The following GABRP variants were observed in gnomAD, a reference collection of about 807,000 sequenced individuals.
GABRP encodes the protein gamma-aminobutyric acid type A receptor subunit pi, also known as gamma-aminobutyric acid receptor subunit pi.
A neutral mutation model predicts 47.8 loss-of-function variants in GABRP; 52 were observed. The ratio of observed to expected loss-of-function variants is 1.09; its 90% confidence interval spans 0.87 to 1.37. GABRP has a LOEUF of 1.37. GABRP is among the 40% of genes most tolerant of loss of function. GABRP has a pLI of 0.00. For synonymous variants in GABRP, 221 were observed against 205.8 expected (o/e 1.07, Z -0.63); for missense variants, 525 against 542.8 (o/e 0.97, Z 0.33).
At chr5:170,802,947 A>T (rs1765634528) in intron 6 of GABRP, among the ~76,000 whole-genome samples, 1 of 152,236 alleles carries the variant, frequency 6.6e-6, no homozygotes, top group South Asian at 2.1e-4. Context: ...AAAAGAACTG[A>T]TACCATCCCA....
At chr5:170,808,506 A>T (rs1765793148) in intron 7 of GABRP, 94 bp from the exon 8 acceptor site, 2 of 1,033,626 alleles carry the variant, frequency 1.9e-6, no homozygotes, top group African/African-American at 3.2e-5. Flanking sequence ...GATCAATGAC[A>T]GAGGGCTTAA....
chr5:170,798,998 T>C (rs1765515116), intron 6 of GABRP, among the ~76,000 whole-genome samples: 2 of 149,186 alleles, frequency 1.3e-5, no homozygotes, highest in Admixed American at 6.7e-5. Flanking sequence ...TTCTCACTGT[T>C]CAATTCCCAC....
rs534175307 is a variant in GABRP at position 170,796,327 on chromosome 5, G to A, written c.458+902G>A. On this transcript the variant is annotated intron_variant, in intron 5 of 9. Coordinates refer to ENST00000265294, the MANE Select transcript of GABRP (RefSeq NM_014211.3). ...TCTTTTGACCTCAATTCCAATCATC[G>A]TTAATGTTCCCCTTCCCCATGTTCC... is the stretch of plus-strand genomic sequence containing the variant. 1.2e-3 allele frequency among the ~76,000 whole-genome samples: 179 copies of A among 152,204 alleles called. 1 individual carries two copies. The highest frequency in any genetic ancestry group is 1.4e-3 in the Non-Finnish European group (97 of 68,022).
chr5:170,792,549 T>C (rs1156255484), intron 3 of GABRP, among the ~76,000 whole-genome samples: 1 of 152,096 alleles, frequency 6.6e-6, no homozygotes, highest in Non-Finnish European at 1.5e-5. Context: ...CTGAGTGGAA[T>C]TCAAACACCT....
At chr5:170,805,584 C>G (rs1341874086) in intron 6 of GABRP, 132 bp from the exon 7 acceptor site, 2 of 1,001,362 alleles carry the variant, frequency 2.0e-6, no homozygotes. Context: ...CTAAGTTCTG[C>G]ATGGGATTGT....
At chr5:170,785,388 C>T (rs1296229039) in intron 1 of GABRP, among the ~76,000 whole-genome samples, 1 of 152,194 alleles carries the variant, frequency 6.6e-6, no homozygotes, top group Non-Finnish European at 1.5e-5. Flanking sequence ...AAATTAACAC[C>T]TTCTGGGCCA....
chr5:170,785,283 G>A (rs1765098486), intron 1 of GABRP, among the ~76,000 whole-genome samples: 1 of 152,166 alleles, frequency 6.6e-6, no homozygotes, highest in Non-Finnish European at 1.5e-5. Flanking sequence ...TAAATGCAGG[G>A]CAAAGAAAAG....
At position 170,812,127 on chromosome 5, in the gene GABRP, A is replaced by G. The variant is rs1765906666; in HGVS notation, c.1192A>G (p.Lys398Glu). 6.2e-7 allele frequency: 1 copy of G among 1,614,094 alleles called. No individual in the cohort carries two copies. The highest frequency in any genetic ancestry group is 1.3e-5 in the African/African-American group (1 of 74,936). Reference protein sequence around the residue: ...SDKFKFVFREKMGRIVDYFTI... With the variant: ...SDKFKFVFREEMGRIVDYFTI... ...CAAGTTCAAGTTTGTCTTCCGAGAA[A>G]AGATGGGCAGGATTGTTGATTATTT... The change falls in exon 10 of 10, where the codon AAG becomes GAG. Residue 398 changes from lysine (K) to glutamate (E), a missense_variant. Coordinates refer to ENST00000265294, the MANE Select transcript of GABRP (RefSeq NM_014211.3).
chr5:170,802,019 A>G (rs1161431160), intron 6 of GABRP, among the ~76,000 whole-genome samples: 1 of 152,324 alleles, frequency 6.6e-6, no homozygotes, highest in Middle Eastern at 3.4e-3. Context: ...ATGCAAAGCC[A>G]TCCTTGACAT....
Position 170,812,251 on chromosome 5 carries a change from AT to A in GABRP, c.1321del (p.Ter441GlufsTer20). ...ANVFYWAYYMYF is the reference protein window; with the variant it reads ...ANVFYWAYYMXF ...GTATTTTACTGGGCATACTACATGT[AT>A]TTTTGAGTCAATGTTAAATTTCTTG... On this transcript the variant is annotated frameshift_variant, in exon 10 of 10. Coordinates refer to ENST00000265294, the MANE Select transcript of GABRP (RefSeq NM_014211.3). LOFTEE classifies it high-confidence loss of function. The A allele has an allele frequency of 6.2e-7, 1 of 1,608,622 alleles. No individual in the cohort carries two copies. The highest frequency in any genetic ancestry group is 8.5e-7 in the Non-Finnish European group (1 of 1,176,042).
intron 4 of GABRP, 94 bp from the exon 5 acceptor site, chr5:170,795,114 G>A (rs1204789298): frequency 1.2e-5 from 10 of 839,670 alleles, no homozygotes; most frequent in Non-Finnish European, 1.0e-5. Flanking sequence ...GTGGAGGTGG[G>A]GAGGGGAGTA....
rs547151503 is a variant in GABRP, at chr5:170,801,423, G to A, written c.541+3875G>A. On this transcript the variant is annotated intron_variant, in intron 6 of 9. Coordinates refer to ENST00000265294, the MANE Select transcript of GABRP (RefSeq NM_014211.3). The stretch of plus-strand genomic sequence containing the variant: ...TCCCCAAATTGAGTAACCATGTGAC[G>A]CTTTTGTTGGATTCCCCAAATCCTG... Among the ~76,000 whole-genome samples, 51 of 152,214 alleles carry A rather than the reference G, an allele frequency of 3.4e-4. 3 individuals are homozygous for A. The South Asian group carries it at 9.5e-3, about 28-fold the overall frequency.
chr5:170,811,150 C>G (rs1231204363), intron 9 of GABRP, among the ~76,000 whole-genome samples: 5 of 147,764 alleles, frequency 3.4e-5, no homozygotes, highest in African/African-American at 1.2e-4. Context: ...CCCAATTTTA[C>G]TCTTGAGAAA....
intron 7 of GABRP, 31 bp from the exon 8 acceptor site, chr5:170,808,569 A>G (rs1382545000): frequency 1.1e-5 from 18 of 1,603,874 alleles, no homozygotes; most frequent in Non-Finnish European, 1.4e-5. Flanking sequence ...ACGAACAGAC[A>G]CAATTTCCTA....
At chr5:170,794,649 T>C (rs956366096) in intron 4 of GABRP, among the ~76,000 whole-genome samples, 1 of 152,148 alleles carries the variant, frequency 6.6e-6, no homozygotes, top group East Asian at 1.9e-4. Flanking sequence ...TAGGCAAGCC[T>C]GGCCATTACA....
rs1765710310 is a variant in GABRP, at chr5:170,805,592, T to C, written c.542-124T>C. 8.4e-6 allele frequency: 9 copies of C among 1,074,400 alleles called. No homozygotes were observed. The South Asian group carries it at 1.3e-4, about 16-fold the overall frequency. 66.6% of individuals were successfully genotyped at this position (1,074,400 alleles called of 1,614,324 possible). A position where few individuals can be genotyped will look rare whatever the true frequency, so the allele number is the denominator to read the frequency against. On this transcript the variant is annotated intron_variant, in intron 6 of 9. Transcript: ENST00000265294. ...AATCTTGCTAAGTTCTGCATGGGATTGTCCTTGGACTTATCACTATGAAGA... is the reference window on the plus strand; with the variant it reads ...AATCTTGCTAAGTTCTGCATGGGATCGTCCTTGGACTTATCACTATGAAGA...
intron 8 of GABRP, 102 bp downstream of exon 8, chr5:170,808,854 A>G (rs1765807230): frequency 4.0e-6 from 4 of 995,172 alleles, no homozygotes; most frequent in Non-Finnish European, 5.9e-6. Flanking sequence ...GGCAGTTCCA[A>G]GAGTTGTTTT....
intron 9 of GABRP, 37 bp from the exon 10 acceptor site, chr5:170,811,919 C>T (rs779458490): frequency 6.3e-7 from 1 of 1,580,892 alleles, no homozygotes; most frequent in South Asian, 1.1e-5. Flanking sequence ...TTTGCTGAGT[C>T]AAGTCTTTTA....
At chr5:170,798,718 A>T (rs1257560083) in intron 6 of GABRP, among the ~76,000 whole-genome samples, 3 of 152,158 alleles carry the variant, frequency 2.0e-5, no homozygotes, top group Non-Finnish European at 4.4e-5. Context: ...TTGTCAGCAA[A>T]TATGTCCAGG....
Sources: allele counts gnomAD v4.1 joint callset (sites outside exome capture counted in the v4.1 genomes callset), GRCh38; gene constraint gnomAD v4.1.1; transcripts MANE v1.5; gene names NCBI Gene and HGNC (gene_info 2026-07-23, HGNC 2026-07-21).